The following CHD5 variants were observed in gnomAD, a reference collection of about 807,000 sequenced individuals.
The protein encoded by CHD5 is chromodomain helicase DNA binding protein 5.
Under a neutral mutation model 230.3 loss-of-function variants are expected in CHD5, and 69 were observed. The ratio of observed to expected loss-of-function variants is 0.30; its 90% confidence interval spans 0.25 to 0.37. The LOEUF (loss-of-function observed/expected upper bound fraction) is 0.37. CHD5 is among the 10% of genes least tolerant of loss of function. The pLI, the probability that CHD5 is intolerant of heterozygous loss-of-function variation, is 1.00. For synonymous variants in CHD5, 1,064 were observed against 1,065.9 expected, an observed-to-expected ratio of 1.00 and a Z score of 0.03; for missense variants, 1,827 against 2,622.8, an observed-to-expected ratio of 0.70 and a Z score of 6.63.
At chr1:6,109,079 GGAGC>G (rs1263627158) in intron 38 of CHD5, among the ~76,000 whole-genome samples, 1 of 152,044 alleles carries the variant, frequency 6.6e-6, no homozygotes, top group African/African-American at 2.4e-5. Flanking sequence ...GGACACAGCA[GGAGC>G]TTCCAAAGAA....
In CHD5 at chr1:6,154,763, A is replaced by C; in HGVS notation, c.642T>G (p.Ala214=). Reference sequence around the variant, plus strand: ...AGATGGTGACCGTCTCTACAGCCGCAGCCACCGCCGCCGCCGCTGCTGCCG... The same window carrying C: ...AGATGGTGACCGTCTCTACAGCCGCCGCCACCGCCGCCGCCGCTGCTGCCG... ...SSAAAAAAAV[A]AAVETVTISP... Residue 214 remains alanine, a synonymous_variant, in exon 5 of 42, where the codon GCT becomes GCG. Transcript: ENST00000262450. The surrounding 1 kb of genome is among the most constrained non-coding windows in gnomAD (Gnocchi z 7.0). 1 of 1,612,384 alleles carries C rather than the reference A, an allele frequency of 6.2e-7. No homozygotes were observed. The highest frequency in any genetic ancestry group is 8.5e-7 in the Non-Finnish European group (1 of 1,179,670).
Position 6,111,854 on chromosome 1 carries a change from G to C in CHD5, c.5170C>G (p.Arg1724Gly). 6.2e-7 allele frequency: 1 copy of C among 1,613,214 alleles called. No individual in the cohort carries two copies. ...ELHTLWQNEE[R>G]AAVSSGKIYD... ...ATTTTCCCAGAGGATACAGCAGCCC[G>C]CTCCTCGTTCTGCCACAGCGTGTGC... is the stretch of plus-strand genomic sequence containing the variant. The change falls in exon 36 of 42, where the codon CGG becomes GGG. Residue 1724 changes from arginine to glycine, a missense_variant. Arg to Gly is a moderately radical substitution (Grantham distance 125). This residue lies in a region of CHD5 where 272 missense variants were observed against 263.2 expected (regional missense o/e 1.03). Transcript: ENST00000262450.
At chr1:6,118,386 A>AAAAAAAAAAAAAAAG in intron 33 of CHD5, among the ~76,000 whole-genome samples, 1 of 151,876 alleles carries the variant, frequency 6.6e-6, no homozygotes. Context: ...CTCAAAAAAA[A>AAAAAAAAAAAAAAAG]AAAAAAAAAA....
chr1:6,146,959 C>G lies in CHD5; in HGVS notation c.1384-88G>C. The G allele has an allele frequency of 9.6e-7, 1 of 1,042,158 alleles. No individual in the cohort carries two copies. Among genetic ancestry groups the G allele is most frequent in the Non-Finnish European group, 1.4e-6 (1 of 736,678 alleles). 64.6% of individuals were successfully genotyped at this position (1,042,158 alleles called of 1,614,324 possible). A position where few individuals can be genotyped will look rare whatever the true frequency, so the allele number is the denominator to read the frequency against. ...ATGACAGCAGGCTGCCATGCAGGCT[C>G]CCTCCCATCAGTGCCACTGCCCCCA... On this transcript the variant is annotated intron_variant, in intron 9 of 41. Coordinates refer to ENST00000262450, the MANE Select transcript of CHD5 (RefSeq NM_015557.3). The surrounding 1 kb of genome is among the most constrained non-coding windows in gnomAD (Gnocchi z 5.1).
intron 17 of CHD5, 135 bp downstream of exon 17, chr1:6,136,382 T>A: frequency 2.0e-6 from 2 of 1,003,928 alleles, no homozygotes; most frequent in Non-Finnish European, 3.0e-6. Flanking sequence ...AGCGGGGACA[T>A]TGCTAATGCT....
chr1:6,173,539 G>GC (rs1438967283), intron 1 of CHD5, among the ~76,000 whole-genome samples: 1 of 152,180 alleles, frequency 6.6e-6, no homozygotes, highest in African/African-American at 2.4e-5. Context: ...GGTGATACCA[G>GC]CAAGTCCCCT....
At position 6,148,702 on chromosome 1, in the gene CHD5, AG is replaced by A. The variant is rs1182549318; in HGVS notation, c.1383+151del. On this transcript the variant is annotated intron_variant, in intron 9 of 41. Coordinates refer to ENST00000262450, the MANE Select transcript of CHD5 (RefSeq NM_015557.3). ...AGCTATTGTGGACGGGGTCTCGAGC[AG>A]CGCGGGCGAAGCTTTGCGGGATCGG... 11 of 556,870 alleles carry A rather than the reference AG, an allele frequency of 2.0e-5. No homozygotes were observed. In the East Asian group the frequency reaches 3.4e-4, roughly 17 times the overall value. The allele number at this position is 556,870 out of a possible 1,614,324, so 34.5% of individuals were successfully genotyped here.
rs117901451 is a variant in CHD5, at chr1:6,130,765, C to T, written c.3263-437G>A. ...GGGGCGCAGCTCCGGGACCTGGGGT[C>T]CCACCCCACTGGGCAACCCTGTCAC... On this transcript the variant is annotated intron_variant, in intron 21 of 41. Transcript: ENST00000262450. The surrounding 1 kb of genome is among the most constrained non-coding windows in gnomAD (Gnocchi z 4.9). Among the ~76,000 whole-genome samples, 93 of 152,322 alleles carry T rather than the reference C, an allele frequency of 6.1e-4. No individual in the cohort carries two copies. The East Asian group carries it at 0.018, about 29-fold the overall frequency.
chr1:6,171,399 C>T (rs1667336377), intron 1 of CHD5, among the ~76,000 whole-genome samples: 1 of 152,164 alleles, frequency 6.6e-6, no homozygotes. Flanking sequence ...CACACGGAGA[C>T]GGGGACTCAG....
intron 9 of CHD5, among the ~76,000 whole-genome samples, chr1:6,148,460 G>A (rs1666945130): frequency 6.6e-6 from 1 of 152,178 alleles, no homozygotes; most frequent in South Asian, 2.1e-4. Context: ...CTGCTTCCCT[G>A]AGCATCAGTT....
In CHD5 at chr1:6,162,386, CA is replaced by C. The variant is rs542447738; in HGVS notation, c.208-2872del. Among the ~76,000 whole-genome samples the C allele has an allele frequency of 6.0e-4, 83 of 137,864 alleles. No individual in the cohort carries two copies. In the East Asian group the frequency reaches 8.1e-3, roughly 13 times the overall value. The allele number at this position is 137,864 out of a possible 152,430, so 90.4% of individuals were successfully genotyped here. ...GGGTAATAAGAGCCAAACTCCATCTCAAAAAAAAAAAGAAAAGAAAAGAAAG... is the reference window on the plus strand; with the variant it reads ...GGGTAATAAGAGCCAAACTCCATCTCAAAAAAAAAAGAAAAGAAAAGAAAG... On this transcript the variant is annotated intron_variant, in intron 2 of 41. Coordinates refer to ENST00000262450, the MANE Select transcript of CHD5 (RefSeq NM_015557.3).
In CHD5 at chr1:6,106,224, C is replaced by T; in HGVS notation, c.*46+10G>A. ...TGGCGGGGAGGAACACAGCACCCAGCAGCCCTCACCTCAGCTGGAAATGAG... is the reference window on the plus strand; with the variant it reads ...TGGCGGGGAGGAACACAGCACCCAGTAGCCCTCACCTCAGCTGGAAATGAG... On this transcript the variant is annotated intron_variant, in intron 41 of 41. Transcript: ENST00000262450. The T allele has an allele frequency of 6.2e-7, 1 of 1,610,588 alleles. No homozygotes were observed. The highest frequency in any genetic ancestry group is 8.5e-7 in the Non-Finnish European group (1 of 1,178,012).
At chr1:6,119,248 G>A (rs920529240) in intron 33 of CHD5, among the ~76,000 whole-genome samples, 4 of 151,912 alleles carry the variant, frequency 2.6e-5, no homozygotes, top group Non-Finnish European at 5.9e-5. Context: ...ACTGGCGCTC[G>A]CCACCATGCC....
chr1:6,140,133 T>A (rs535386432), intron 15 of CHD5, among the ~76,000 whole-genome samples: 1 of 151,920 alleles, frequency 6.6e-6, no homozygotes, highest in Non-Finnish European at 1.5e-5. Flanking sequence ...CCAGGTGCGG[T>A]GGCTCAAGCC....
Position 6,146,821 on chromosome 1 carries a change from C to T in CHD5, c.1434G>A (p.Thr478=), listed in dbSNP as rs764518864. 50 of 1,569,428 alleles carry T rather than the reference C, an allele frequency of 3.2e-5. No individual in the cohort carries two copies. The highest frequency in any genetic ancestry group is 1.7e-4 in the Middle Eastern group (1 of 5,778). Residue 478 remains threonine, a synonymous_variant, in exon 10 of 42, where the codon ACG becomes ACA. Coordinates refer to ENST00000262450, the MANE Select transcript of CHD5 (RefSeq NM_015557.3). This position sits in a 1 kb window ranked among gnomAD's most constrained non-coding sequence, Gnocchi z 5.1. ...CCACCATGAAGGGGGCAGGGGGCTC[C>T]GTCCACCTCCAGTGTAGAATCCGCT... ...KVQRILHWRW[T]EPPAPFMVGL... is the part of the protein sequence containing the mutation.
chr1:6,166,596 C>G (rs12134795), intron 2 of CHD5, among the ~76,000 whole-genome samples: 1 of 151,902 alleles, frequency 6.6e-6, no homozygotes, highest in Non-Finnish European at 1.5e-5. Context: ...CAGTCCAGGG[C>G]GGGCTCTGCC....
chr1:6,173,615 T>C (rs1667373182), intron 1 of CHD5, among the ~76,000 whole-genome samples: 4 of 151,946 alleles, frequency 2.6e-5, no homozygotes, highest in Admixed American at 2.6e-4. Context: ...CCCAGGGCTA[T>C]GGGGAGAAGT....
rs1247188976 is a variant in CHD5, at chr1:6,134,364, T to G, written c.3013-105A>C. 7.4e-7 allele frequency: 1 copy of G among 1,343,062 alleles called. No individual in the cohort carries two copies. Among genetic ancestry groups the G allele is most frequent in the Non-Finnish European group, 1.0e-6 (1 of 968,866 alleles). 83.2% of individuals were successfully genotyped at this position (1,343,062 alleles called of 1,614,324 possible). On this transcript the variant is annotated intron_variant, in intron 19 of 41. Transcript: ENST00000262450. The surrounding 1 kb of genome is among the most constrained non-coding windows in gnomAD (Gnocchi z 6.3). ...AGACAAGTGCTGAGCAATGGGGTGATGGCCTGTCTGCCCACTGAACATGAG... is the reference window on the plus strand; with the variant it reads ...AGACAAGTGCTGAGCAATGGGGTGAGGGCCTGTCTGCCCACTGAACATGAG...
chr1:6,160,430 AG>A (rs1247759329), intron 2 of CHD5, among the ~76,000 whole-genome samples: 1 of 124,508 alleles, frequency 8.0e-6, no homozygotes, highest in Admixed American at 8.0e-5. Flanking sequence ...CAGCCAGAGA[AG>A]GAGAGCCCCA....
Sources: allele counts gnomAD v4.1 joint callset (sites outside exome capture counted in the v4.1 genomes callset), GRCh38; gene constraint gnomAD v4.1.1; regional missense constraint gnomAD v4.1.1; non-coding constraint Gnocchi (gnomAD v3.1); transcripts MANE v1.5; gene names NCBI Gene and HGNC (gene_info 2026-07-23, HGNC 2026-07-21).